Variants in MAST4 observed in about 807,000 individuals in gnomAD.
MAST4 encodes the protein microtubule-associated serine/threonine-protein kinase 4.
MAST4 carries 89 observed loss-of-function variants against 162.7 expected under a neutral mutation model. The ratio of observed to expected loss-of-function variants is 0.55; its 90% CI spans 0.46 to 0.65. MAST4 has a LOEUF of 0.65. Among genes scored for constraint, MAST4 ranks in the 30% least tolerant of loss-of-function variants. MAST4 has a pLI of 0.00. For missense variants in MAST4, 3,153 were observed against 3,374.0 expected, an observed-to-expected ratio of 0.93 and a Z score of 1.62; for synonymous variants, 1,479 against 1,361.1, an observed-to-expected ratio of 1.09 and a Z score of -1.91.
chr5:66,891,739 A>T (rs467239), intron 3 of MAST4, among the ~76,000 whole-genome samples: 81,314 of 152,072 alleles, frequency 0.53, 22,105 homozygotes, highest in Middle Eastern at 0.6. Context: ...CAAGGCTGCC[A>T]GGCTAATTCC....
chr5:66,867,386 T>G (rs1385234992), intron 3 of MAST4, among the ~76,000 whole-genome samples: 3 of 152,196 alleles, frequency 2.0e-5, no homozygotes, highest in African/African-American at 7.2e-5. Flanking sequence ...GTTTACATGA[T>G]GCAAATTAAG....
intron 4 of MAST4, among the ~76,000 whole-genome samples, chr5:66,905,520 C>T (rs967373184): frequency 2.6e-5 from 4 of 152,102 alleles, no homozygotes; most frequent in Admixed American, 2.6e-4. Context: ...CAGTATTCCT[C>T]ATTATAGAGT....
At chr5:66,798,447 C>T (rs1755760763) in intron 3 of MAST4, among the ~76,000 whole-genome samples, 1 of 152,194 alleles carries the variant, frequency 6.6e-6, no homozygotes, top group Non-Finnish European at 1.5e-5. Flanking sequence ...AGCCCTAGTG[C>T]TTCTACAGGT....
chr5:66,986,466 A>G (rs1180571456), intron 4 of MAST4: 1 of 1,573,876 alleles, frequency 6.4e-7, no homozygotes, highest in Non-Finnish European at 8.6e-7. Context: ...AAATGCTGGG[A>G]GAACATCACC....
chr5:67,087,984 A>C (rs77455008), intron 5 of MAST4, among the ~76,000 whole-genome samples: 4,459 of 152,270 alleles, frequency 0.029, 84 homozygotes, highest in Admixed American at 0.042. Flanking sequence ...GGAAATGGTT[A>C]GTGGCAGCCT....
At chr5:66,693,604 C>CGGATGTCTTA (rs1749192391) in intron 1 of MAST4, among the ~76,000 whole-genome samples, 1 of 152,064 alleles carries the variant, frequency 6.6e-6, no homozygotes, top group Non-Finnish European at 1.5e-5. Context: ...TAGATGCTAT[C>CGGATGTCTTA]AGATGTCTTA....
intron 26 of MAST4, among the ~76,000 whole-genome samples, chr5:67,156,674 A>T (rs934337280): frequency 3.9e-5 from 6 of 152,258 alleles, no homozygotes; most frequent in African/African-American, 1.4e-4. Flanking sequence ...TATGAGGTAT[A>T]CAAGTGAACC....
At chr5:67,008,624 AC>A (rs1323455176) in intron 4 of MAST4, among the ~76,000 whole-genome samples, 2 of 152,220 alleles carry the variant, frequency 1.3e-5, no homozygotes, top group African/African-American at 4.8e-5. Context: ...TAATCTTTCA[AC>A]CTTGATGATG....
chr5:66,858,950 T>C (rs1561388491), intron 3 of MAST4, among the ~76,000 whole-genome samples: 1 of 152,112 alleles, frequency 6.6e-6, no homozygotes, highest in South Asian at 2.1e-4. Flanking sequence ...TTCAGTGTTT[T>C]CTAGTTGGTT....
rs79630841 is a variant in MAST4, at chr5:66,807,985, T to G, written c.642+19191T>G. On this transcript the variant is annotated intron_variant, in intron 3 of 28. Coordinates refer to ENST00000403625, the MANE Select transcript of MAST4 (RefSeq NM_001164664.2). The stretch of plus-strand genomic sequence containing the variant: ...GACTCACTCCAAGGATAATGTTTAC[T>G]GTGCCACCCTGGTCTTCACTGCACA... 5.8e-3 allele frequency among the ~76,000 whole-genome samples: 888 copies of G among 152,392 alleles called. 12 individuals are homozygous for G. The highest frequency in any genetic ancestry group is 0.021 in the African/African-American group (857 of 41,600).
At chr5:66,823,198 C>G (rs764019763) in intron 3 of MAST4, among the ~76,000 whole-genome samples, 5 of 152,134 alleles carry the variant, frequency 3.3e-5, no homozygotes, top group Admixed American at 6.5e-5. Context: ...CTGAGGCCTC[C>G]CCAGCCATGC....
At chr5:66,844,198 T>TGTGTGTGTGTG (rs1580620555) in intron 3 of MAST4, among the ~76,000 whole-genome samples, 3 of 100,044 alleles carry the variant, frequency 3.0e-5, no homozygotes, top group Admixed American at 1.0e-4. Flanking sequence ...TGTGTGTGTG[T>TGTGTGTGTGTG]TGGGGCGGGG....
intron 4 of MAST4, among the ~76,000 whole-genome samples, chr5:67,005,571 C>T (rs1335844669): frequency 8.5e-5 from 13 of 152,186 alleles, no homozygotes; most frequent in Admixed American, 8.5e-4. Context: ...AGAGGCAGAT[C>T]TACATAACTT....
At chr5:66,699,118 A>G (rs1238577375) in intron 1 of MAST4, among the ~76,000 whole-genome samples, 1 of 152,028 alleles carries the variant, frequency 6.6e-6, no homozygotes, top group African/African-American at 2.4e-5. Flanking sequence ...CCACCCTGAC[A>G]CGCCCTCCGG....
intron 4 of MAST4, among the ~76,000 whole-genome samples, chr5:67,045,730 A>G (rs879864684): frequency 7.9e-5 from 12 of 152,234 alleles, no homozygotes; most frequent in Non-Finnish European, 1.3e-4. Flanking sequence ...ATACGCTCCA[A>G]TTAGCAGCAG....
chr5:66,985,193 G>A (rs2150254014), intron 4 of MAST4, among the ~76,000 whole-genome samples: 1 of 152,200 alleles, frequency 6.6e-6, no homozygotes. Context: ...TGAAGGAGGA[G>A]TTTCACACAG....
chr5:66,757,741 T>C (rs1249017992), intron 1 of MAST4, among the ~76,000 whole-genome samples: 1 of 152,222 alleles, frequency 6.6e-6, no homozygotes, highest in African/African-American at 2.4e-5. Flanking sequence ...AACTCGCCAC[T>C]GAGAATATGG....
intron 1 of MAST4, among the ~76,000 whole-genome samples, chr5:66,679,480 CCTCT>C (rs1447067120): frequency 3.3e-5 from 5 of 152,118 alleles, no homozygotes; most frequent in African/African-American, 1.2e-4. Context: ...AGTACTTTGC[CCTCT>C]CTCATTTCCT....
intron 1 of MAST4, among the ~76,000 whole-genome samples, chr5:66,599,164 A>G (rs989427532): frequency 6.6e-6 from 1 of 152,228 alleles, no homozygotes; most frequent in Admixed American, 6.5e-5. Flanking sequence ...CCTCTTATGG[A>G]GTAGAGGAGT....
Sources: gnomAD v4.1 joint callset for allele counts (sites outside exome capture counted in the v4.1 genomes callset) on GRCh38, gnomAD v4.1.1 for gene constraint, MANE v1.5 for transcripts, NCBI Gene and HGNC (gene_info 2026-07-23, HGNC 2026-07-21) for gene names.